Variants in NLRC3 observed in about 807,000 individuals in gnomAD.
The protein encoded by NLRC3 is NLR family CARD domain-containing protein 3.
In NLRC3, 87 loss-of-function variants were observed where a neutral mutation model predicts 91.6. The observed-to-expected ratio is 0.95, with a 90% CI of 0.80 to 1.14. The LOEUF (loss-of-function observed/expected upper bound fraction) is 1.14. NLRC3 is among the 50% of genes most tolerant of loss of function. The probability of loss-of-function intolerance (pLI) is 0.00; values close to 1 mark genes in which losing one functional copy is unlikely to be tolerated. For synonymous variants in NLRC3, 694 were observed against 625.3 expected (o/e 1.11, Z -1.64); for missense variants, 1,577 against 1,418.6 (o/e 1.11, Z -1.79).
chr16:3,552,156 G>T, intron 10 of NLRC3, 40 bp downstream of exon 10: 3 of 1,207,384 alleles, frequency 2.5e-6, no homozygotes, highest in Non-Finnish European at 2.5e-6. Flanking sequence ...CATTGTGCTG[G>T]GCACTGAGGA....
chr16:3,565,071 A>G lies in NLRC3; in HGVS notation c.-24-11T>C, dbSNP rs754611666. 5 of 1,597,110 alleles carry G rather than the reference A, an allele frequency of 3.1e-6. No homozygotes were observed. Among genetic ancestry groups the G allele is most frequent in the Non-Finnish European group, 3.4e-6 (4 of 1,174,208 alleles). ...GATCACCTCCAGGAGCTGTGAAGAG[A>G]GGGCCTGAACCTGCTGCCTGCCGTG... is the stretch of plus-strand genomic sequence containing the variant. On this transcript the variant is annotated splice_polypyrimidine_tract_variant and intron_variant, in intron 3 of 19. Coordinates refer to ENST00000359128, the MANE Select transcript of NLRC3 (RefSeq NM_178844.4).
intron 5 of NLRC3, among the ~76,000 whole-genome samples, chr16:3,562,324 A>C (rs905891160): frequency 6.6e-6 from 1 of 152,162 alleles, no homozygotes; most frequent in African/African-American, 2.4e-5. Context: ...CCTGTAATCC[A>C]GTGTGACAGT....
chr16:3,564,533 G>C lies in NLRC3; in HGVS notation c.404C>G (p.Ser135Cys), dbSNP rs756678302. The C allele has an allele frequency of 3.7e-5, 59 of 1,612,022 alleles. No homozygotes were observed. The East Asian group carries it at 1.1e-3, about 31-fold the overall frequency. ...AGTGATGGAGACCCGGGGTGGGACA[G>C]ACACCCGGGAGAGAGGCAGGAAGAG... is the stretch of plus-strand genomic sequence containing the variant. ...DRLFLPLSRV[S>C]VPPRVSITIG... The change falls in exon 5 of 20, where the codon TCT becomes TGT. Residue 135 changes from serine (S) to cysteine (C), a missense_variant. Physicochemically the swap from Ser to Cys is moderately radical, Grantham distance 112. Transcript: ENST00000359128. This position sits in a 1 kb window ranked among gnomAD's most constrained non-coding sequence, Gnocchi z 5.9.
At chr16:3,543,172 GC>G in intron 17 of NLRC3, 2 of 509,976 alleles carry the variant, frequency 3.9e-6, no homozygotes, top group Non-Finnish European at 7.1e-6. Flanking sequence ...AACAAGATCA[GC>G]CCCCCTGGGA....
chr16:3,549,387 G>A (rs1382112408), intron 12 of NLRC3, among the ~76,000 whole-genome samples, 162 bp from the exon 13 acceptor site: 2 of 152,208 alleles, frequency 1.3e-5, no homozygotes, highest in Non-Finnish European at 2.9e-5. Flanking sequence ...GTGCTAGTGA[G>A]CCAGTGCTGG....
chr16:3,564,367 G>A lies in NLRC3; in HGVS notation c.570C>T (p.Ala190=), dbSNP rs373962972. The change falls in exon 5 of 20, where the codon GCC becomes GCT. Residue 190 remains alanine (A), a synonymous_variant. Coordinates refer to ENST00000359128, the MANE Select transcript of NLRC3 (RefSeq NM_178844.4). This position sits in a 1 kb window ranked among gnomAD's most constrained non-coding sequence, Gnocchi z 5.9. The stretch of plus-strand genomic sequence containing the variant: ...GGAAGACCGAGCAGATGAGTCGGTC[G>A]GCACACAGCTTCTCGTGGGTGTTGA... ...RDLNTHEKLC[A]DRLICSVFPH... is the part of the protein sequence containing the mutation. The A allele has an allele frequency of 3.7e-5, 60 of 1,612,034 alleles. No homozygotes were observed. The East Asian group carries it at 6.2e-4, about 17-fold the overall frequency.
At chr16:3,548,548 G>T (rs2038818970) in intron 14 of NLRC3, 122 bp downstream of exon 14, 1 of 727,180 alleles carries the variant, frequency 1.4e-6, no homozygotes, top group East Asian at 2.7e-5. Context: ...AGCCCGGGCA[G>T]CCCCTGAGAC....
intron 7 of NLRC3, 30 bp downstream of exon 7, chr16:3,557,563 A>G: frequency 6.7e-7 from 1 of 1,487,920 alleles, no homozygotes; most frequent in Non-Finnish European, 9.4e-7. Flanking sequence ...TTCCAATGGC[A>G]AAAGTTCGGC....
intron 8 of NLRC3, among the ~76,000 whole-genome samples, chr16:3,555,459 T>G (rs147837628): frequency 2.0e-5 from 3 of 152,122 alleles, no homozygotes; most frequent in African/African-American, 7.2e-5. Context: ...AGTGACTGTT[T>G]ATGGGTATGA....
intron 15 of NLRC3, among the ~76,000 whole-genome samples, chr16:3,546,432 C>G (rs991672121): frequency 6.6e-6 from 1 of 151,508 alleles, no homozygotes; most frequent in East Asian, 1.9e-4. Context: ...TGTTGGGCAC[C>G]TGTAATCCCA....
At chr16:3,544,665 A>C in intron 15 of NLRC3, 1 of 278,648 alleles carries the variant, frequency 3.6e-6, no homozygotes, top group Admixed American at 4.6e-5. Flanking sequence ...TCCCTGAGCC[A>C]TTCTTGTTTG....
chr16:3,574,007 CTTTTTTTTTTTTTTTTTT>C (rs35126359), intron 1 of NLRC3, among the ~76,000 whole-genome samples: 8 of 40,398 alleles, frequency 2.0e-4, no homozygotes, highest in East Asian at 1.1e-3. Context: ...ACCATTTTAT[CTTTTTTTTTTTTTTTTTT>C]TTTTTTTTTT....
chr16:3,549,826 G>T (rs1034115625), intron 11 of NLRC3, 46 bp from the exon 12 acceptor site: 1 of 1,407,686 alleles, frequency 7.1e-7, no homozygotes, highest in Non-Finnish European at 9.8e-7. Context: ...CCAGGACCCA[G>T]AGGGAGCTGC....
chr16:3,552,896 C>T (rs764248326), intron 9 of NLRC3, among the ~76,000 whole-genome samples: 2 of 152,154 alleles, frequency 1.3e-5, no homozygotes, highest in Non-Finnish European at 2.9e-5. Flanking sequence ...GCCGAGATTA[C>T]GCCACTGCAC....
chr16:3,563,250 G>C lies in NLRC3; in HGVS notation c.1687C>G (p.Arg563Gly), dbSNP rs372379793. The part of the protein sequence containing the change: ...CLRPDAAVCA[R>G]AINVLHCLHE... ...AGGCAGTGCAACACGTTGATGGCCC[G>C]TGCACAGACTGCGGCATCGGGGCGC... Residue 563 changes from arginine (R) to glycine (G), a missense_variant, in exon 5 of 20, where the codon CGG (arginine) becomes GGG (glycine). By Grantham distance (125) the Arg-to-Gly change is moderately radical (BLOSUM62 -2). Transcript: ENST00000359128. 1 of 1,606,058 alleles carries C rather than the reference G, an allele frequency of 6.2e-7. No individual in the cohort carries two copies. The highest frequency in any genetic ancestry group is 8.5e-7 in the Non-Finnish European group (1 of 1,178,238).
At chr16:3,542,089 G>T (rs770224262) in intron 19 of NLRC3, 102 bp downstream of exon 19, 85 of 912,654 alleles carry the variant, frequency 9.3e-5, no homozygotes, top group Non-Finnish European at 1.4e-4. Context: ...CTATAGGCCT[G>T]CTGAAGCGTC....
chr16:3,568,238 A>G (rs1428887598), intron 1 of NLRC3, among the ~76,000 whole-genome samples: 1 of 152,168 alleles, frequency 6.6e-6, no homozygotes, highest in Non-Finnish European at 1.5e-5. Flanking sequence ...TAAGTAAAAT[A>G]CCATTTTTCA....
Position 3,577,343 on chromosome 16 carries a change from G to A in NLRC3, c.-363C>T, listed in dbSNP as rs1202062614. On this transcript the variant is annotated 5_prime_UTR_variant, in exon 1 of 20. Transcript: ENST00000359128. ...AACCAACCAACCGTGTGGGGGCCGA[G>A]AGCAGTGCAGCCCCGACCTTCTGCA... 2 of 638,056 alleles carry A rather than the reference G, an allele frequency of 3.1e-6. No individual in the cohort carries two copies. The highest frequency in any genetic ancestry group is 1.8e-5 in the African/African-American group (1 of 55,744). 39.5% of individuals were successfully genotyped at this position (638,056 alleles called of 1,614,324 possible).
In NLRC3 at chr16:3,549,756, G is replaced by C. The variant is rs374508439; in HGVS notation, c.2460C>G (p.Asp820Glu). 5 of 1,550,832 alleles carry C rather than the reference G, an allele frequency of 3.2e-6. No homozygotes were observed. The highest frequency in any genetic ancestry group is 4.4e-6 in the Non-Finnish European group (5 of 1,146,788). The change falls in exon 12 of 20, where the codon GAC (aspartate) becomes GAG (glutamate). Residue 820 changes from aspartate (D) to glutamate (E), a missense_variant. Transcript: ENST00000359128. ...CCCCCATCAGTGCTGCCACTCCTGCGTCACTGATGGAATTGCTCTGCAGGC... is the reference window on the plus strand; with the variant it reads ...CCCCCATCAGTGCTGCCACTCCTGCCTCACTGATGGAATTGCTCTGCAGGC... The part of the protein sequence containing the change: ...SLDLQSNSIS[D>E]AGVAALMGAL...
Sources: gnomAD v4.1 joint callset for allele counts (sites outside exome capture counted in the v4.1 genomes callset) on GRCh38, gnomAD v4.1.1 for gene constraint, Gnocchi (gnomAD v3.1) non-coding constraint, MANE v1.5 for transcripts, NCBI Gene and HGNC (gene_info 2026-07-23, HGNC 2026-07-21) for gene names.